Variants in PIK3CD observed in about 807,000 individuals in gnomAD.
PIK3CD encodes phosphatidylinositol-4,5-bisphosphate 3-kinase catalytic subunit delta, also known as phosphatidylinositol 4,5-bisphosphate 3-kinase catalytic subunit delta isoform.
In PIK3CD, 20 loss-of-function variants were observed where a neutral mutation model predicts 122.9. The ratio of observed to expected loss-of-function variants is 0.16; its 90% CI spans 0.11 to 0.24. PIK3CD has a LOEUF of 0.24. Ranked by LOEUF, PIK3CD falls within the 10% of genes least tolerant of loss-of-function variation. PIK3CD has a pLI of 1.00. For synonymous variants in PIK3CD, 596 were observed against 593.4 expected, an observed-to-expected ratio of 1.00 and a Z score of -0.06; for missense variants, 787 against 1,406.3, an observed-to-expected ratio of 0.56 and a Z score of 7.04.
Position 9,716,509 on chromosome 1 carries a change from A to G in PIK3CD, c.670A>G (p.Lys224Glu). The change falls in exon 6 of 24, where the codon AAG (lysine) becomes GAG (glutamate). Residue 224 changes from lysine to glutamate, a missense_variant. Physicochemically the swap from Lys to Glu is moderately conservative, Grantham distance 56. Coordinates refer to ENST00000377346, the MANE Select transcript of PIK3CD (RefSeq NM_005026.5). ...GCTGATGGCCTGTGCCCTGCGGAAG[A>G]AGGCCACAGTGTTCCGGCAGCCGCT... is the stretch of plus-strand genomic sequence containing the variant. ...LALMACALRK[K>E]ATVFRQPLVE... 6.2e-7 allele frequency: 1 copy of G among 1,610,872 alleles called. No homozygotes were observed. The highest frequency in any genetic ancestry group is 8.5e-7 in the Non-Finnish European group (1 of 1,179,788).
chr1:9,716,916 T>C, intron 6 of PIK3CD, 43 bp from the exon 7 acceptor site: 1 of 1,612,988 alleles, frequency 6.2e-7, no homozygotes, highest in South Asian at 1.1e-5. Flanking sequence ...CAGGGAGTGG[T>C]TGGGGCCGCC....
At chr1:9,725,160 T>G (rs554797666) in intron 23 of PIK3CD, among the ~76,000 whole-genome samples, 1 of 152,296 alleles carries the variant, frequency 6.6e-6, no homozygotes, top group East Asian at 1.9e-4. Flanking sequence ...GTGGCAGATG[T>G]GTAGTGACCT....
intron 23 of PIK3CD, among the ~76,000 whole-genome samples, chr1:9,725,469 C>T (rs1557677884): frequency 2.0e-5 from 3 of 151,992 alleles, no homozygotes; most frequent in Admixed American, 6.6e-5. Flanking sequence ...GCAGGAGAAT[C>T]GTTTGAACCC....
At chr1:9,692,535 G>A (rs1048022197) in intron 2 of PIK3CD, among the ~76,000 whole-genome samples, 17 of 151,914 alleles carry the variant, frequency 1.1e-4, no homozygotes, top group South Asian at 4.2e-4. Flanking sequence ...GACCAGCCTG[G>A]CCAACCAACA....
Position 9,715,543 on chromosome 1 carries a change from G to T in PIK3CD, c.144G>T (p.Leu48=). The T allele has an allele frequency of 6.2e-7, 1 of 1,613,164 alleles. No individual in the cohort carries two copies. The highest frequency in any genetic ancestry group is 8.5e-7 in the Non-Finnish European group (1 of 1,179,868). ...CTGACCGGTGACTGTCCCTCCAGCT[G>T]CTGTGGCACCGCGCCCAGTATGAGC... ...RNANLSTIKQ[L]LWHRAQYEPL... is the part of the protein sequence containing the mutation. Residue 48 remains leucine (L), a splice_region_variant and synonymous_variant, in exon 4 of 24, where the codon CTG becomes CTT. Transcript: ENST00000377346. This position sits in a 1 kb window ranked among gnomAD's most constrained non-coding sequence, Gnocchi z 4.1.
chr1:9,628,436 GATTATAAGCATTTTTACA>G, the PIK3CD span, among the ~76,000 whole-genome samples: 1 of 152,194 alleles, frequency 6.6e-6, no homozygotes, highest in Non-Finnish European at 1.5e-5. Flanking sequence ...TGTCAGGCAC[GATTATAAGCATTTTTACA>G]TATATGAATT....
At chr1:9,713,052 AG>A (rs1463799690) in intron 3 of PIK3CD, among the ~76,000 whole-genome samples, 2 of 152,038 alleles carry the variant, frequency 1.3e-5, no homozygotes, top group Non-Finnish European at 2.9e-5. Context: ...GTGTGGTGGT[AG>A]ATGCCTGTAA....
At chr1:9,627,467 G>T in the PIK3CD span, among the ~76,000 whole-genome samples, 3 of 152,274 alleles carry the variant, frequency 2.0e-5, no homozygotes, top group Non-Finnish European at 2.9e-5. Flanking sequence ...GCACGAAGGC[G>T]TGGGCCTCGC....
rs563025928 is a variant in PIK3CD at position 9,652,718 on chromosome 1, C to G, written c.-138+916C>G. 9.8e-5 allele frequency: 15 copies of G among 152,350 alleles called. No homozygotes were observed. The highest frequency in any genetic ancestry group is 3.4e-4 in the African/African-American group (14 of 41,554). The allele number at this position is 152,350 out of a possible 1,614,324, so 9.4% of individuals were successfully genotyped here. A position where few individuals can be genotyped will look rare whatever the true frequency, so the allele number is the denominator to read the frequency against. ...GAACTGGGACGACCTTTCGTGGGCA[C>G]CAGGATGGGGGCGTTGCAGGGCGGG... On this transcript the variant is annotated intron_variant, in intron 1 of 23. Coordinates refer to ENST00000377346, the MANE Select transcript of PIK3CD (RefSeq NM_005026.5). The surrounding 1 kb of genome is among the most constrained non-coding windows in gnomAD (Gnocchi z 6.2).
At chr1:9,640,676 T>C in the PIK3CD span, among the ~76,000 whole-genome samples, 1 of 152,158 alleles carries the variant, frequency 6.6e-6, no homozygotes. Flanking sequence ...GTCTTTCCAT[T>C]TGACTGAGCA....
the PIK3CD span, among the ~76,000 whole-genome samples, chr1:9,637,585 C>G: frequency 1.3e-5 from 2 of 151,962 alleles, no homozygotes; most frequent in East Asian, 3.9e-4. Flanking sequence ...TCTGAAGTCT[C>G]GGTGGAGACA....
At chr1:9,709,135 T>C (rs1315113241) in intron 2 of PIK3CD, among the ~76,000 whole-genome samples, 1 of 152,084 alleles carries the variant, frequency 6.6e-6, no homozygotes, top group Non-Finnish European at 1.5e-5. Flanking sequence ...GTTCAAGCGA[T>C]TCTCCTGTGT....
rs977084822 is a variant in PIK3CD, at chr1:9,689,937, G to A, written c.-137-1530G>A. Among the ~76,000 whole-genome samples, 1 of 152,192 alleles carries A rather than the reference G, an allele frequency of 6.6e-6. No individual in the cohort carries two copies. The highest frequency in any genetic ancestry group is 1.5e-5 in the Non-Finnish European group (1 of 68,008). ...GATTCTCAGCTATGGGCCGCGCGAC[G>A]CTCTCCTCTCCTAATCTGGTTGCTT... is the stretch of plus-strand genomic sequence containing the variant. On this transcript the variant is annotated intron_variant, in intron 1 of 23. Coordinates refer to ENST00000377346, the MANE Select transcript of PIK3CD (RefSeq NM_005026.5). The surrounding 1 kb of genome is among the most constrained non-coding windows in gnomAD (Gnocchi z 6.1).
intron 2 of PIK3CD, among the ~76,000 whole-genome samples, chr1:9,706,109 G>T (rs1007468838): frequency 8.0e-6 from 1 of 124,256 alleles, no homozygotes; most frequent in Non-Finnish European, 1.6e-5. Context: ...TGCTCAGGCT[G>T]GTCTCAAACT....
intron 2 of PIK3CD, among the ~76,000 whole-genome samples, chr1:9,708,707 G>A (rs1646938284): frequency 6.6e-6 from 1 of 151,934 alleles, no homozygotes; most frequent in Non-Finnish European, 1.5e-5. Context: ...AAATTAGTTG[G>A]ACGTGGTGGC....
intron 3 of PIK3CD, among the ~76,000 whole-genome samples, chr1:9,714,675 A>G (rs1459987697): frequency 6.6e-6 from 1 of 151,936 alleles, no homozygotes; most frequent in African/African-American, 2.4e-5. Flanking sequence ...TTGACAGACC[A>G]TAGTTAGCCG....
intron 1 of PIK3CD, among the ~76,000 whole-genome samples, chr1:9,665,278 G>A (rs979149820): frequency 6.6e-6 from 1 of 151,342 alleles, no homozygotes; most frequent in Middle Eastern, 3.2e-3. Context: ...GGTAGCTTTG[G>A]TGAATGTCCC....
intron 1 of PIK3CD, among the ~76,000 whole-genome samples, chr1:9,683,140 A>AC (rs1645830454): frequency 1.6e-5 from 1 of 63,234 alleles, no homozygotes; most frequent in African/African-American, 4.8e-5. Flanking sequence ...AAAAAAAAAA[A>AC]CCAAAAAACC....
intron 1 of PIK3CD, among the ~76,000 whole-genome samples, chr1:9,661,273 T>TTTCA (rs1645001774): frequency 6.6e-6 from 1 of 151,804 alleles, no homozygotes; most frequent in African/African-American, 2.4e-5. Flanking sequence ...AGAGATGGGG[T>TTTCA]TTCATCATGT....
Sources: gnomAD v4.1 joint callset for allele counts (sites outside exome capture counted in the v4.1 genomes callset) on GRCh38, gnomAD v4.1.1 for gene constraint, Gnocchi (gnomAD v3.1) non-coding constraint, MANE v1.5 for transcripts, NCBI Gene and HGNC (gene_info 2026-07-23, HGNC 2026-07-21) for gene names.